Variants in RPH3A observed in about 807,000 individuals in gnomAD.
The protein encoded by RPH3A is rabphilin 3A, also known as rabphilin-3A.
A neutral mutation model predicts 102.2 loss-of-function variants in RPH3A; 48 were observed. The ratio of observed to expected loss-of-function variants is 0.47; its 90% CI spans 0.37 to 0.60. The LOEUF is 0.60. Among genes scored for constraint, RPH3A ranks in the 20% least tolerant of loss-of-function variants. The pLI is 0.00. For missense variants in RPH3A, 781 were observed against 910.1 expected, an observed-to-expected ratio of 0.86 and a Z score of 1.83; for synonymous variants, 310 against 324.3, an observed-to-expected ratio of 0.96 and a Z score of 0.47.
At chr12:112,857,742 C>G (rs2042433379) in intron 5 of RPH3A, among the ~76,000 whole-genome samples, 1 of 152,176 alleles carries the variant, frequency 6.6e-6, no homozygotes, top group South Asian at 2.1e-4. Flanking sequence ...GAGAGTGATT[C>G]CTTGAAACCT....
In RPH3A at chr12:112,686,380, T is replaced by A. The variant is rs183780058; in HGVS notation, c.-139-105763T>A. Among the ~76,000 whole-genome samples, 3 of 152,194 alleles carry A rather than the reference T, an allele frequency of 2.0e-5. No individual in the cohort carries two copies. In the East Asian group the frequency reaches 5.8e-4, roughly 29 times the overall value. On this transcript the variant is annotated intron_variant, in intron 1 of 21. Transcript: ENST00000543106. ...TTATACCCCAACCAGTAGACTGAAG[T>A]CTATTTATTCATTTATTTATTCAGT...
Position 112,897,008 on chromosome 12 carries a change from G to A in RPH3A, c.*228G>A. The A allele has an allele frequency of 1.9e-6, 1 of 517,408 alleles. No individual in the cohort carries two copies. The highest frequency in any genetic ancestry group is 3.5e-6 in the Non-Finnish European group (1 of 287,118). 32.1% of individuals were successfully genotyped at this position (517,408 alleles called of 1,614,324 possible). A position where few individuals can be genotyped will look rare whatever the true frequency, so the allele number is the denominator to read the frequency against. ...ACAGCCCCTCTCTCATCCCTGGGAT[G>A]GAGCAATGGGGATGGGGTTGGGGAG... On this transcript the variant is annotated 3_prime_UTR_variant, in exon 22 of 22. Coordinates refer to ENST00000389385, the MANE Select transcript of RPH3A (RefSeq NM_001143854.2).
rs185592062 is a variant in RPH3A, at chr12:112,688,638, A to T, written c.-139-103505A>T. Reference sequence around the variant, plus strand: ...CAATGGGAACAAGCTTTTACTTAGTACCTACTAAGTGCTTGGTGCTGTGTA... The same window carrying T: ...CAATGGGAACAAGCTTTTACTTAGTTCCTACTAAGTGCTTGGTGCTGTGTA... On this transcript the variant is annotated intron_variant, in intron 1 of 21. Coordinates refer to the RPH3A transcript ENST00000543106. Among the ~76,000 whole-genome samples the T allele has an allele frequency of 3.9e-4, 60 of 152,316 alleles. No homozygotes were observed. In the East Asian group the frequency reaches 0.01, roughly 26 times the overall value.
At chr12:112,780,925 G>A (rs1361857255) in intron 1 of RPH3A, among the ~76,000 whole-genome samples, 2 of 152,058 alleles carry the variant, frequency 1.3e-5, no homozygotes, top group African/African-American at 4.8e-5. Context: ...AGGCTGAGGC[G>A]GGTGGATCAC....
intron 18 of RPH3A, 94 bp from the exon 19 acceptor site, chr12:112,890,755 G>A (rs187858388): frequency 9.4e-5 from 132 of 1,406,718 alleles, no homozygotes; most frequent in African/African-American, 4.5e-4. Flanking sequence ...GCCAAGCTTC[G>A]CCTGCCCTTC....
chr12:112,745,393 G>A (rs2040737597), intron 1 of RPH3A, among the ~76,000 whole-genome samples: 1 of 152,128 alleles, frequency 6.6e-6, no homozygotes, highest in South Asian at 2.1e-4. Context: ...TAAATATATT[G>A]CTATTTATCA....
intron 1 of RPH3A, among the ~76,000 whole-genome samples, chr12:112,653,954 T>TAC (rs1391226711): frequency 1.3e-5 from 2 of 152,230 alleles, no homozygotes; most frequent in African/African-American, 4.8e-5. Flanking sequence ...AGCCTAGGCC[T>TAC]ACACACACAG....
chr12:112,887,679 C>A, intron 16 of RPH3A, 118 bp from the exon 17 acceptor site: 5 of 1,104,276 alleles, frequency 4.5e-6, no homozygotes, highest in African/African-American at 1.6e-5. Context: ...AACAGGAAAT[C>A]ATATTATTTC....
At chr12:112,581,457 A>G (rs1052807355) in intron 1 of RPH3A, among the ~76,000 whole-genome samples, 1 of 152,222 alleles carries the variant, frequency 6.6e-6, no homozygotes, top group Non-Finnish European at 1.5e-5. Flanking sequence ...TTGGGTGGGG[A>G]CACAGCCAAA....
intron 1 of RPH3A, among the ~76,000 whole-genome samples, chr12:112,656,723 C>T (rs1182503472): frequency 6.6e-6 from 1 of 152,110 alleles, no homozygotes; most frequent in East Asian, 1.9e-4. Context: ...GCTTCCAGTT[C>T]CACCCATGTT....
intron 2 of RPH3A, among the ~76,000 whole-genome samples, chr12:112,807,929 C>T (rs1402993697): frequency 6.6e-6 from 1 of 152,078 alleles, no homozygotes; most frequent in Non-Finnish European, 1.5e-5. Flanking sequence ...ATCTATTTCC[C>T]CCCACTAGAA....
chr12:112,598,682 A>C (rs1270362065), intron 1 of RPH3A, among the ~76,000 whole-genome samples: 1 of 152,194 alleles, frequency 6.6e-6, no homozygotes, highest in Non-Finnish European at 1.5e-5. Flanking sequence ...GATAATGCAC[A>C]CAAAGTACTC....
At chr12:112,616,692 C>T (rs61391572) in intron 1 of RPH3A, among the ~76,000 whole-genome samples, 1,935 of 152,298 alleles carry the variant, frequency 0.013, 42 homozygotes, top group African/African-American at 0.043. Flanking sequence ...ACATTTGAAC[C>T]TAAGTCTGCT....
At chr12:112,609,258 G>C (rs549972419) in intron 1 of RPH3A, among the ~76,000 whole-genome samples, 2 of 152,252 alleles carry the variant, frequency 1.3e-5, no homozygotes, top group African/African-American at 4.8e-5. Context: ...TGTAGAGATG[G>C]GGTTTAGCTA....
At chr12:112,702,283 G>T (rs1447753751) in intron 1 of RPH3A, among the ~76,000 whole-genome samples, 1 of 152,124 alleles carries the variant, frequency 6.6e-6, no homozygotes, top group African/African-American at 2.4e-5. Context: ...TTCCCCTTCT[G>T]GTCCTATGTC....
chr12:112,653,149 G>C (rs560437146), intron 1 of RPH3A, among the ~76,000 whole-genome samples: 52 of 152,198 alleles, frequency 3.4e-4, no homozygotes, highest in African/African-American at 1.3e-3. Flanking sequence ...CCAGCACTTT[G>C]GGAGGCCGAG....
intron 1 of RPH3A, among the ~76,000 whole-genome samples, chr12:112,634,308 AC>A (rs1308506873): frequency 5.3e-5 from 2 of 37,932 alleles, no homozygotes; most frequent in Non-Finnish European, 9.0e-5. Flanking sequence ...AGATTGCGCC[AC>A]TGCACTCCAG....
chr12:112,811,153 G>A (rs989579786), intron 2 of RPH3A, among the ~76,000 whole-genome samples: 10 of 152,060 alleles, frequency 6.6e-5, no homozygotes, highest in East Asian at 1.9e-4. Flanking sequence ...TCAACTGATC[G>A]AATAGCCTTG....
intron 1 of RPH3A, among the ~76,000 whole-genome samples, chr12:112,672,893 A>C (rs1320766324): frequency 1.3e-5 from 2 of 152,118 alleles, no homozygotes; most frequent in Non-Finnish European, 2.9e-5. Flanking sequence ...TTGCCTGTGC[A>C]TCAGGTCAGC....
Sources: allele counts gnomAD v4.1 joint callset (sites outside exome capture counted in the v4.1 genomes callset), GRCh38; gene constraint gnomAD v4.1.1; transcripts MANE v1.5; gene names NCBI Gene and HGNC (gene_info 2026-07-23, HGNC 2026-07-21).